WWC1: variants seen among roughly 807,000 people sequenced by gnomAD.
WWC1 encodes WW and C2 domain containing 1, also known as protein KIBRA.
WWC1 carries 55 observed loss-of-function variants against 138.4 expected under a neutral mutation model. The observed-to-expected ratio is 0.40, with a 90% confidence interval of 0.32 to 0.50. The LOEUF is 0.50. Among genes scored for constraint, WWC1 ranks in the 20% least tolerant of loss-of-function variants. The probability of loss-of-function intolerance (pLI) is 0.72; values close to 1 mark genes in which losing one functional copy is unlikely to be tolerated. For missense variants in WWC1, 1,226 were observed against 1,420.4 expected, an observed-to-expected ratio of 0.86 and a Z score of 2.20; for synonymous variants, 524 against 564.9, an observed-to-expected ratio of 0.93 and a Z score of 1.03.
At chr5:168,317,666 G>T (rs1439904111) in intron 1 of WWC1, among the ~76,000 whole-genome samples, 1 of 152,182 alleles carries the variant, frequency 6.6e-6, no homozygotes, top group African/African-American at 2.4e-5. Flanking sequence ...TTTTCAGAGA[G>T]AAAGAAGTCC....
intron 3 of WWC1, among the ~76,000 whole-genome samples, chr5:168,390,176 A>G (rs528902544): frequency 4.6e-5 from 7 of 152,318 alleles, no homozygotes; most frequent in Non-Finnish European, 7.3e-5. Flanking sequence ...TAATCATAGT[A>G]TCATCTTCAT....
chr5:168,359,739 G>T (rs191300656), intron 1 of WWC1, among the ~76,000 whole-genome samples: 37 of 152,148 alleles, frequency 2.4e-4, no homozygotes, highest in African/African-American at 8.7e-4. Flanking sequence ...ACCCACAAAG[G>T]AATATATGAG....
chr5:168,296,884 C>T (rs1248308077), intron 1 of WWC1, among the ~76,000 whole-genome samples: 1 of 152,190 alleles, frequency 6.6e-6, no homozygotes, highest in East Asian at 1.9e-4. Context: ...GCTCCAGTGC[C>T]TAAGGAATTT....
At chr5:168,357,625 A>G (rs1775564098) in intron 1 of WWC1, among the ~76,000 whole-genome samples, 1 of 152,102 alleles carries the variant, frequency 6.6e-6, no homozygotes, top group Non-Finnish European at 1.5e-5. Context: ...CGCAGTATGA[A>G]TGAATAATTC....
At chr5:168,345,654 TAAATAC>T (rs1774404600) in intron 1 of WWC1, among the ~76,000 whole-genome samples, 1 of 152,232 alleles carries the variant, frequency 6.6e-6, no homozygotes, top group Middle Eastern at 3.2e-3. Flanking sequence ...ATGTTGACAG[TAAATAC>T]TGATGGCATG....
At position 168,371,551 on chromosome 5, in the gene WWC1, C is replaced by T. The variant is rs1229899950; in HGVS notation, c.229+18C>T. The T allele has an allele frequency of 1.3e-6, 2 of 1,588,756 alleles. 1 individual carries two copies. Among genetic ancestry groups the T allele is most frequent in the South Asian group, 2.2e-5 (2 of 89,976 alleles). The stretch of plus-strand genomic sequence containing the variant: ...CAACACCAGTAAGTTCCCGACGGTC[C>T]TCCCTTCCCTGTGCCCTCTTCATCC... On this transcript the variant is annotated intron_variant, in intron 2 of 22. Coordinates refer to ENST00000265293, the MANE Select transcript of WWC1 (RefSeq NM_015238.3).
intron 1 of WWC1, among the ~76,000 whole-genome samples, chr5:168,356,750 T>C (rs1480159502): frequency 6.6e-6 from 1 of 152,188 alleles, no homozygotes; most frequent in Non-Finnish European, 1.5e-5. Flanking sequence ...ACAGAGGCCT[T>C]GTTTGCTACC....
intron 1 of WWC1, among the ~76,000 whole-genome samples, chr5:168,328,749 CT>C (rs1772781214): frequency 6.6e-6 from 1 of 152,134 alleles, no homozygotes; most frequent in Admixed American, 6.6e-5. Flanking sequence ...ATTGGCCAGG[CT>C]GGTCTCAAAC....
Position 168,460,756 on chromosome 5 carries a change from C to G in WWC1, c.2916+14C>G. On this transcript the variant is annotated intron_variant, in intron 20 of 22. Coordinates refer to ENST00000265293, the MANE Select transcript of WWC1 (RefSeq NM_015238.3). ...CGGATGAAGCGGGTAAGAGAGTCAC[C>G]TCAAAGCTATTTTTCTGCCTGCTCC... 6.2e-7 allele frequency: 1 copy of G among 1,613,936 alleles called. No individual in the cohort carries two copies. The highest frequency in any genetic ancestry group is 8.5e-7 in the Non-Finnish European group (1 of 1,179,852).
chr5:168,367,567 C>T (rs1776406676), intron 1 of WWC1, among the ~76,000 whole-genome samples: 1 of 151,536 alleles, frequency 6.6e-6, no homozygotes, highest in South Asian at 2.1e-4. Flanking sequence ...GATCCGCCCG[C>T]CTCGGCCTCC....
At chr5:168,426,126 C>T (rs979455382) in intron 11 of WWC1, among the ~76,000 whole-genome samples, 6 of 152,248 alleles carry the variant, frequency 3.9e-5, no homozygotes, top group Admixed American at 2.0e-4. Flanking sequence ...TCCTTGTTAA[C>T]GAAAGGCTTT....
intron 17 of WWC1, among the ~76,000 whole-genome samples, chr5:168,446,394 C>T (rs76838830): frequency 0.039 from 5,944 of 152,138 alleles, 166 homozygotes; most frequent in Non-Finnish European, 0.055. Flanking sequence ...TTATTTAATT[C>T]CTTGTATTAT....
chr5:168,383,756 A>G (rs183714222), intron 2 of WWC1, among the ~76,000 whole-genome samples: 77 of 152,204 alleles, frequency 5.1e-4, no homozygotes, highest in Non-Finnish European at 1.8e-4. Flanking sequence ...GATTCACCAC[A>G]TTGCCCTGAT....
Position 168,292,017 on chromosome 5 carries a change from G to GC in WWC1, c.-130dup, listed in dbSNP as rs1399836817. The GC allele has an allele frequency of 8.5e-6, 9 of 1,062,538 alleles. No individual in the cohort carries two copies. The East Asian group carries it at 1.3e-4, about 16-fold the overall frequency. 65.8% of individuals were successfully genotyped at this position (1,062,538 alleles called of 1,614,324 possible). ...GCCACCCCGGCCGGCCCCTACTAGG[G>GC]CCCCCCATCTGCGGGCGCCACCCCC... On this transcript the variant is annotated 5_prime_UTR_variant, in exon 1 of 23. Coordinates refer to ENST00000265293, the MANE Select transcript of WWC1 (RefSeq NM_015238.3). The surrounding 1 kb of genome is among the most constrained non-coding windows in gnomAD (Gnocchi z 4.4).
chr5:168,461,380 G>A (rs1418537382), intron 20 of WWC1, among the ~76,000 whole-genome samples: 7 of 152,306 alleles, frequency 4.6e-5, no homozygotes, highest in South Asian at 2.1e-4. Flanking sequence ...CAGTTAGAGC[G>A]CGTCATCTGA....
chr5:168,424,588 T>C (rs1462068587), intron 11 of WWC1, among the ~76,000 whole-genome samples: 1 of 152,110 alleles, frequency 6.6e-6, no homozygotes, highest in Non-Finnish European at 1.5e-5. Flanking sequence ...AAGATGACAT[T>C]TGAGGGTGTC....
intron 1 of WWC1, among the ~76,000 whole-genome samples, chr5:168,347,075 C>T (rs1774540968): frequency 1.3e-5 from 2 of 152,192 alleles, no homozygotes; most frequent in Non-Finnish European, 1.5e-5. Flanking sequence ...TGGGCTCACA[C>T]TCTGGGCTGC....
In WWC1 at chr5:168,431,460, GGC is replaced by G. The variant is rs1491497689; in HGVS notation, c.2280+17_2280+18del. ...AGAGTGCCTGGTAAGGGCCGTGTCTGGCTGGCTGGCTGGCTGGCTGGCTGGCT... is the reference window on the plus strand; with the variant it reads ...AGAGTGCCTGGTAAGGGCCGTGTCTGTGGCTGGCTGGCTGGCTGGCTGGCT... On this transcript the variant is annotated intron_variant, in intron 15 of 22. Coordinates refer to ENST00000265293, the MANE Select transcript of WWC1 (RefSeq NM_015238.3). 112 of 23,628 alleles carry G rather than the reference GGC, an allele frequency of 4.7e-3. 1 individual carries two copies. The highest frequency in any genetic ancestry group is 0.045 in the Admixed American group (5 of 112). 1.5% of individuals were successfully genotyped at this position (23,628 alleles called of 1,614,324 possible).
intron 5 of WWC1, among the ~76,000 whole-genome samples, chr5:168,404,351 C>T (rs1344798995): frequency 1.3e-5 from 2 of 152,230 alleles, no homozygotes; most frequent in African/African-American, 4.8e-5. Context: ...ATTTTTCAGA[C>T]TAAATCTGGG....
Sources: allele counts gnomAD v4.1 joint callset (sites outside exome capture counted in the v4.1 genomes callset), GRCh38; gene constraint gnomAD v4.1.1; non-coding constraint Gnocchi (gnomAD v3.1); transcripts MANE v1.5; gene names NCBI Gene and HGNC (gene_info 2026-07-23, HGNC 2026-07-21).